RALGPS2: variants seen among roughly 807,000 people sequenced by gnomAD.
The protein encoded by RALGPS2 is Ral GEF with PH domain and SH3 binding motif 2, also known as ras-specific guanine nucleotide-releasing factor RalGPS2.
In RALGPS2, 43 loss-of-function variants were observed where a neutral mutation model predicts 86.8. The ratio of observed to expected loss-of-function variants is 0.50; its 90% CI spans 0.39 to 0.64. The LOEUF is 0.64. Among genes scored for constraint, RALGPS2 ranks in the 30% least tolerant of loss-of-function variants. The pLI, the probability that RALGPS2 is intolerant of heterozygous loss-of-function variation, is 0.00. For missense variants in RALGPS2, 536 were observed against 694.6 expected, an observed-to-expected ratio of 0.77 and a Z score of 2.57; for synonymous variants, 243 against 231.3, an observed-to-expected ratio of 1.05 and a Z score of -0.46.
chr1:178,802,807 T>C (rs562337677), intron 4 of RALGPS2, among the ~76,000 whole-genome samples: 1 of 152,284 alleles, frequency 6.6e-6, no homozygotes, highest in South Asian at 2.1e-4. Context: ...TTAAATACAT[T>C]TGTGTGTATT....
At chr1:178,738,203 C>CTT (rs1051296802) in intron 1 of RALGPS2, among the ~76,000 whole-genome samples, 2,798 of 110,480 alleles carry the variant, frequency 0.025, 98 homozygotes, top group African/African-American at 0.068. Context: ...AGATGGATAT[C>CTT]TTTTTTTTTT....
intron 1 of RALGPS2, among the ~76,000 whole-genome samples, chr1:178,758,299 T>A (rs1652051813): frequency 1.3e-5 from 2 of 152,182 alleles, no homozygotes; most frequent in African/African-American, 4.8e-5. Flanking sequence ...TGTATTTAGG[T>A]GGTACGAGAT....
intron 4 of RALGPS2, among the ~76,000 whole-genome samples, chr1:178,805,009 T>C (rs1338522818): frequency 6.7e-6 from 1 of 149,962 alleles, no homozygotes; most frequent in Non-Finnish European, 1.5e-5. Flanking sequence ...GGTTTTGATT[T>C]GCATTTCTCT....
chr1:178,736,147 T>A (rs1399932919), intron 1 of RALGPS2, among the ~76,000 whole-genome samples: 1 of 151,740 alleles, frequency 6.6e-6, no homozygotes, highest in Non-Finnish European at 1.5e-5. Flanking sequence ...AAGTGCTCTG[T>A]GTTTTAATTT....
At chr1:178,886,170 G>A in intron 13 of RALGPS2, 50 bp downstream of exon 13, 1 of 1,569,878 alleles carries the variant, frequency 6.4e-7, no homozygotes, top group Non-Finnish European at 8.6e-7. Context: ...AAATAAAAAT[G>A]TTAATAAAAC....
chr1:178,912,289 T>C (rs1660656680), intron 19 of RALGPS2, among the ~76,000 whole-genome samples: 1 of 152,230 alleles, frequency 6.6e-6, no homozygotes, highest in South Asian at 2.1e-4. Flanking sequence ...GTCAGTGGAC[T>C]ATATACTTAA....
chr1:178,853,726 C>T (rs1483176764), intron 8 of RALGPS2: 1 of 1,609,648 alleles, frequency 6.2e-7, no homozygotes, highest in Non-Finnish European at 8.5e-7. Flanking sequence ...CAGGTTTAAT[C>T]ATATAAATCC....
At chr1:178,775,858 G>C (rs1279862404) in intron 1 of RALGPS2, among the ~76,000 whole-genome samples, 1 of 150,662 alleles carries the variant, frequency 6.6e-6, no homozygotes, top group Non-Finnish European at 1.5e-5. Context: ...GTACAGTAAA[G>C]CCACCATATC....
chr1:178,733,251 A>G (rs1027746547), intron 1 of RALGPS2, among the ~76,000 whole-genome samples: 1 of 152,240 alleles, frequency 6.6e-6, no homozygotes, highest in East Asian at 1.9e-4. Context: ...ACATCTACTC[A>G]TTAAACAATA....
intron 4 of RALGPS2, 35 bp from the exon 5 acceptor site, chr1:178,808,010 A>G (rs1654819150): frequency 7.5e-7 from 1 of 1,335,710 alleles, no homozygotes; most frequent in African/African-American, 1.4e-5. Context: ...AAACTAGGCT[A>G]TTACTTAAAT....
At chr1:178,729,900 T>G (rs995112911) in intron 1 of RALGPS2, among the ~76,000 whole-genome samples, 3 of 152,324 alleles carry the variant, frequency 2.0e-5, no homozygotes, top group African/African-American at 7.2e-5. Context: ...TTTACATATT[T>G]AAAAATTATA....
intron 17 of RALGPS2, among the ~76,000 whole-genome samples, chr1:178,899,653 GT>G (rs57623890): frequency 0.024 from 3,327 of 140,524 alleles, 188 homozygotes; most frequent in African/African-American, 0.082. Context: ...TTTGGTTTTG[GT>G]TTTTTTTTTT....
At chr1:178,882,189 T>TA (rs1659287129) in intron 10 of RALGPS2, among the ~76,000 whole-genome samples, 1 of 150,910 alleles carries the variant, frequency 6.6e-6, no homozygotes, top group Non-Finnish European at 1.5e-5. Context: ...GTGCTACCAA[T>TA]AGCAATGTGA....
intron 8 of RALGPS2, among the ~76,000 whole-genome samples, chr1:178,834,030 A>G (rs550146684): frequency 6.6e-6 from 1 of 152,296 alleles, no homozygotes; most frequent in South Asian, 2.1e-4. Flanking sequence ...TGTATTTCGC[A>G]TCTCATCTAA....
At chr1:178,744,396 A>G (rs549572980) in intron 1 of RALGPS2, among the ~76,000 whole-genome samples, 2 of 152,322 alleles carry the variant, frequency 1.3e-5, no homozygotes, top group East Asian at 3.9e-4. Context: ...AGGTAGTATC[A>G]TATTTAATGG....
chr1:178,728,401 G>GC (rs1221625251), intron 1 of RALGPS2, among the ~76,000 whole-genome samples: 2 of 49,764 alleles, frequency 4.0e-5, no homozygotes, highest in Non-Finnish European at 7.3e-5. Context: ...CCGAAAGTAT[G>GC]CTTTTTTTTT....
intron 8 of RALGPS2, among the ~76,000 whole-genome samples, chr1:178,866,146 T>C (rs981213516): frequency 6.6e-6 from 1 of 152,136 alleles, no homozygotes; most frequent in Non-Finnish European, 1.5e-5. Flanking sequence ...ATAAGATAGC[T>C]TTCTTACCTT....
intron 19 of RALGPS2, among the ~76,000 whole-genome samples, chr1:178,909,197 A>C (rs1660507242): frequency 6.6e-6 from 1 of 152,194 alleles, no homozygotes; most frequent in South Asian, 2.1e-4. Context: ...GCTTTGTCAA[A>C]GATCAGATGG....
At position 178,886,022 on chromosome 1, in the gene RALGPS2, C is replaced by T. The variant is rs761790935; in HGVS notation, c.1094C>T (p.Ala365Val). 34 of 1,612,304 alleles carry T rather than the reference C, an allele frequency of 2.1e-5. No individual in the cohort carries two copies. The highest frequency in any genetic ancestry group is 1.7e-4 in the Middle Eastern group (1 of 6,058). The change falls in exon 13 of 20, where the codon GCA becomes GTA. Residue 365 changes from alanine to valine, a missense_variant. Transcript: ENST00000367635. Reference protein sequence around the residue: ...AEFKSATFPNAGPRHLLDDSV... With the variant: ...AEFKSATFPNVGPRHLLDDSV... ...TTTAAGAGTGCAACGTTTCCAAATGCAGGACCAAGACATCTGTTAGATGAT... is the reference window on the plus strand; with the variant it reads ...TTTAAGAGTGCAACGTTTCCAAATGTAGGACCAAGACATCTGTTAGATGAT...
Sources: gnomAD v4.1 joint callset for allele counts (sites outside exome capture counted in the v4.1 genomes callset) on GRCh38, gnomAD v4.1.1 for gene constraint, MANE v1.5 for transcripts, NCBI Gene and HGNC (gene_info 2026-07-23, HGNC 2026-07-21) for gene names.